The following SLC4A7 variants were observed in gnomAD, a reference collection of about 807,000 sequenced individuals.
SLC4A7 encodes sodium bicarbonate cotransporter 3.
In SLC4A7, 51 loss-of-function variants were observed where a neutral mutation model predicts 137.6. That is an observed-to-expected ratio of 0.37 (90% CI 0.30 to 0.47). The LOEUF is 0.47. Among genes scored for constraint, SLC4A7 ranks in the 20% least tolerant of loss-of-function variants. The probability of loss-of-function intolerance (pLI) is 1.00; values close to 1 mark genes in which losing one functional copy is unlikely to be tolerated. For missense variants in SLC4A7, 1,247 were observed against 1,525.4 expected, an observed-to-expected ratio of 0.82 and a Z score of 3.04; for synonymous variants, 542 against 518.6, an observed-to-expected ratio of 1.05 and a Z score of -0.61.
intron 11 of SLC4A7, among the ~76,000 whole-genome samples, chr3:27,412,836 G>A (rs1222463588): frequency 2.0e-5 from 3 of 151,582 alleles, no homozygotes; most frequent in Non-Finnish European, 4.4e-5. Context: ...CCCAGCCAAA[G>A]CACATTCAAG....
intron 17 of SLC4A7, 38 bp from the exon 18 acceptor site, chr3:27,397,835 T>A (rs763457653): frequency 9.0e-7 from 1 of 1,110,380 alleles, no homozygotes; most frequent in East Asian, 2.4e-5. Flanking sequence ...AACACAGAAA[T>A]ACTATGTGTT....
chr3:27,387,823 G>C (rs768533765), intron 22 of SLC4A7, among the ~76,000 whole-genome samples: 1 of 152,274 alleles, frequency 6.6e-6, no homozygotes, highest in East Asian at 1.9e-4. Context: ...CTCCAGAAGA[G>C]AGGAAGAGAC....
chr3:27,484,053 C>A lies in SLC4A7; in HGVS notation c.60+14G>T. The A allele has an allele frequency of 7.2e-7, 1 of 1,395,984 alleles. No individual in the cohort carries two copies. The highest frequency in any genetic ancestry group is 2.7e-5 in the Admixed American group (1 of 36,460). The allele number at this position is 1,395,984 out of a possible 1,614,324, so 86.5% of individuals were successfully genotyped here. A position where few individuals can be genotyped will look rare whatever the true frequency, so the allele number is the denominator to read the frequency against. ...TCCCCCTGCGGAGGAGCCCCACCGC[C>A]GCGGCGCCCTCACCCTGCTCGTTAC... On this transcript the variant is annotated intron_variant, in intron 1 of 25. Transcript: ENST00000454389.
chr3:27,418,703 T>C (rs2054632743), intron 10 of SLC4A7, 71 bp from the exon 11 acceptor site: 1 of 872,886 alleles, frequency 1.1e-6, no homozygotes, highest in Non-Finnish European at 1.8e-6. Flanking sequence ...AAATCCACTC[T>C]GGATATCATA....
At chr3:27,390,192 T>G (rs2150074479) in intron 21 of SLC4A7, 88 bp from the exon 22 acceptor site, 1 of 730,910 alleles carries the variant, frequency 1.4e-6, no homozygotes, top group East Asian at 2.7e-5. Flanking sequence ...TAGGATTTTG[T>G]GTATTAAATT....
intron 21 of SLC4A7, among the ~76,000 whole-genome samples, chr3:27,391,388 C>T (rs560464748): frequency 4.3e-4 from 66 of 152,250 alleles, no homozygotes; most frequent in African/African-American, 1.5e-3. Context: ...GCGGGTCTTG[C>T]TATTTTTATA....
chr3:27,463,686 A>G (rs1386380144), intron 1 of SLC4A7, among the ~76,000 whole-genome samples: 1 of 152,076 alleles, frequency 6.6e-6, no homozygotes, highest in African/African-American at 2.4e-5. Flanking sequence ...AGTTTGCGCC[A>G]TTTGCCGGGG....
At chr3:27,456,894 A>T in intron 1 of SLC4A7, 1 of 1,355,638 alleles carries the variant, frequency 7.4e-7, no homozygotes, top group African/African-American at 1.5e-5. Flanking sequence ...ACAGCATAAC[A>T]GATTTGGAAA....
At chr3:27,420,675 A>G (rs757594573) in intron 10 of SLC4A7, 25 bp downstream of exon 10, 6 of 1,449,182 alleles carry the variant, frequency 4.1e-6, no homozygotes, top group Admixed American at 3.4e-5. Flanking sequence ...GTCTACTTCA[A>G]AGAGACTTGG....
chr3:27,434,324 G>C (rs1032616527), intron 5 of SLC4A7, among the ~76,000 whole-genome samples: 1 of 152,042 alleles, frequency 6.6e-6, no homozygotes, highest in Non-Finnish European at 1.5e-5. Flanking sequence ...TTATAAAGAG[G>C]CTACTATTAT....
rs557959698 is a variant in SLC4A7, at chr3:27,410,294, C to T, written c.1767-764G>A. Among the ~76,000 whole-genome samples, 14 of 152,204 alleles carry T rather than the reference C, an allele frequency of 9.2e-5. No individual in the cohort carries two copies. In the South Asian group the frequency reaches 1.9e-3, roughly 20 times the overall value. Reference sequence around the variant, plus strand: ...AGGGGAGACTTTTTCTTGTTCACTGCGTTATCTACAGTGTCTAGAACACTA... The same window carrying T: ...AGGGGAGACTTTTTCTTGTTCACTGTGTTATCTACAGTGTCTAGAACACTA... On this transcript the variant is annotated intron_variant, in intron 12 of 25. Transcript: ENST00000454389.
chr3:27,435,865 C>T (rs988228018), intron 5 of SLC4A7, among the ~76,000 whole-genome samples: 1 of 152,004 alleles, frequency 6.6e-6, no homozygotes, highest in Non-Finnish European at 1.5e-5. Flanking sequence ...AAAAAAAAAT[C>T]CAATAATTCA....
chr3:27,383,037 T>G lies in SLC4A7; in HGVS notation c.3590+116A>C, dbSNP rs17019720. On this transcript the variant is annotated intron_variant, in intron 24 of 25. Coordinates refer to ENST00000454389, the MANE Select transcript of SLC4A7 (RefSeq NM_001321103.2). ...GCCCTCCTTTAGTTGATACACCATA[T>G]GCAGATTGTATCATCTTTTATAAAA... The G allele has an allele frequency of 9.7e-3, 6,556 of 676,978 alleles. 326 individuals carry two copies. In the African/African-American group the frequency reaches 0.11, roughly 11 times the overall value. 41.9% of individuals were successfully genotyped at this position (676,978 alleles called of 1,614,324 possible). A position where few individuals can be genotyped will look rare whatever the true frequency, so the allele number is the denominator to read the frequency against.
At chr3:27,419,987 G>A (rs958847675) in intron 10 of SLC4A7, among the ~76,000 whole-genome samples, 2 of 151,972 alleles carry the variant, frequency 1.3e-5, no homozygotes, top group Admixed American at 6.6e-5. Flanking sequence ...AGGAGATTGA[G>A]ACCATCCTGG....
chr3:27,423,917 T>C, intron 8 of SLC4A7, 120 bp downstream of exon 8: 6 of 620,568 alleles, frequency 9.7e-6, no homozygotes, highest in Non-Finnish European at 1.7e-5. Flanking sequence ...ACATGCAGGT[T>C]TGTAAGCACC....
intron 1 of SLC4A7, among the ~76,000 whole-genome samples, chr3:27,459,971 TTATATA>T (rs10552466): frequency 0.016 from 2,376 of 144,622 alleles, 36 homozygotes; most frequent in Non-Finnish European, 0.025. Context: ...TCAGTGTTAT[TTATATA>T]TATATATATA....
chr3:27,418,408 G>T, intron 11 of SLC4A7, 78 bp downstream of exon 11: 2 of 1,128,766 alleles, frequency 1.8e-6, no homozygotes, highest in Non-Finnish European at 1.3e-6. Context: ...TCTCTGTTTT[G>T]GTTTTTGAAT....
chr3:27,415,734 T>C (rs911767027), intron 11 of SLC4A7, among the ~76,000 whole-genome samples: 2 of 152,252 alleles, frequency 1.3e-5, no homozygotes, highest in Non-Finnish European at 2.9e-5. Flanking sequence ...TTTTGCTTTA[T>C]GTTGTCGTAA....
intron 11 of SLC4A7, among the ~76,000 whole-genome samples, chr3:27,412,390 G>A (rs2053988469): frequency 6.6e-6 from 1 of 152,194 alleles, no homozygotes; most frequent in East Asian, 1.9e-4. Context: ...CAAGAGGAAA[G>A]ATGGTAGGAA....
Sources: gnomAD v4.1 joint callset for allele counts (sites outside exome capture counted in the v4.1 genomes callset) on GRCh38, gnomAD v4.1.1 for gene constraint, MANE v1.5 for transcripts, NCBI Gene and HGNC (gene_info 2026-07-23, HGNC 2026-07-21) for gene names.